Variants in EML6 observed in about 807,000 individuals in gnomAD.
The protein encoded by EML6 is EMAP like 6.
EML6 carries 154 observed loss-of-function variants against 240.1 expected under a neutral mutation model. That is an observed-to-expected ratio of 0.64 (90% CI 0.56 to 0.73). EML6 has a LOEUF of 0.73. Ranked by LOEUF, EML6 falls within the 30% of genes least tolerant of loss-of-function variation. EML6 has a pLI of 0.00. For missense variants in EML6, 2,964 were observed against 2,474.6 expected, an observed-to-expected ratio of 1.20 and a Z score of -4.20; for synonymous variants, 1,148 against 899.0, an observed-to-expected ratio of 1.28 and a Z score of -4.95.
chr2:54,895,889 CAG>C (rs565776850), intron 21 of EML6, among the ~76,000 whole-genome samples: 72 of 152,096 alleles, frequency 4.7e-4, no homozygotes, highest in African/African-American at 1.5e-3. Flanking sequence ...AAGCCAAAAA[CAG>C]AGGGGAAAAA....
intron 35 of EML6, among the ~76,000 whole-genome samples, chr2:54,961,184 G>GTTGTTTTTTTTTGTTT: frequency 5.4e-5 from 3 of 55,424 alleles, no homozygotes; most frequent in African/African-American, 2.4e-4. Flanking sequence ...TCAGGAAGTA[G>GTTGTTTTTTTTTGTTT]TTTTTTTTTT....
Position 54,903,137 on chromosome 2 carries a change from A to G in EML6, c.3218A>G (p.Glu1073Gly). The change falls in exon 23 of 42, where the codon GAA becomes GGA. Residue 1073 changes from glutamate (E) to glycine (G), a missense_variant. By Grantham distance (98) the Glu-to-Gly change is moderately conservative. Transcript: ENST00000356458. ...CTGGTGGTAAATGCTGACACTGTTG[A>G]AGACATGGTCTCTTTCCATCACAGA... Reference protein sequence around the residue: ...SFLVVNADTVEDMVSFHHRKE... With the variant: ...SFLVVNADTVGDMVSFHHRKE... The G allele has an allele frequency of 6.4e-7, 1 of 1,551,870 alleles. No individual in the cohort carries two copies. Among genetic ancestry groups the G allele is most frequent in the Non-Finnish European group, 8.7e-7 (1 of 1,146,914 alleles).
At chr2:54,837,140 G>GT (rs1220854260) in intron 7 of EML6, among the ~76,000 whole-genome samples, 1 of 152,046 alleles carries the variant, frequency 6.6e-6, no homozygotes, top group African/African-American at 2.4e-5. Context: ...GCATTCCCTG[G>GT]TTTTGCATCC....
At chr2:54,861,042 C>T (rs1350165380) in intron 12 of EML6, among the ~76,000 whole-genome samples, 1 of 152,154 alleles carries the variant, frequency 6.6e-6, no homozygotes, top group Non-Finnish European at 1.5e-5. Context: ...TGTGCAGCTC[C>T]CATTTTTTTT....
Position 54,805,806 on chromosome 2 carries a change from T to C in EML6, c.198-7426T>C, listed in dbSNP as rs183783763. ...TATCAATTACTTGGTTTAGCTCTTA[T>C]ACTTTTTGAGTTTTTTTGCATATGG... On this transcript the variant is annotated intron_variant, in intron 2 of 41. Coordinates refer to ENST00000356458, the MANE Select transcript of EML6 (RefSeq NM_001039753.4). Among the ~76,000 whole-genome samples, 28 of 152,350 alleles carry C rather than the reference T, an allele frequency of 1.8e-4. No homozygotes were observed. In the East Asian group the frequency reaches 1.9e-3, roughly 10 times the overall value.
At chr2:54,915,556 C>G (rs913950793) in intron 25 of EML6, among the ~76,000 whole-genome samples, 1 of 152,070 alleles carries the variant, frequency 6.6e-6, no homozygotes, top group East Asian at 1.9e-4. Flanking sequence ...ACCCAAGGCC[C>G]CCAAGTCACA....
At chr2:54,851,968 G>T (rs1277156171) in intron 10 of EML6, among the ~76,000 whole-genome samples, 2 of 152,182 alleles carry the variant, frequency 1.3e-5, no homozygotes, top group East Asian at 3.8e-4. Context: ...TGCCAGAATA[G>T]AAAAGAATAG....
chr2:54,809,751 C>G (rs1397342748), intron 2 of EML6, among the ~76,000 whole-genome samples: 2 of 152,118 alleles, frequency 1.3e-5, no homozygotes, highest in Admixed American at 1.3e-4. Flanking sequence ...ACCTTCTATT[C>G]TCTTGCAAAT....
chr2:54,915,918 C>A (rs1254427669), intron 25 of EML6, among the ~76,000 whole-genome samples: 1 of 151,946 alleles, frequency 6.6e-6, no homozygotes, highest in Non-Finnish European at 1.5e-5. Context: ...ATAAAATCTC[C>A]CAGAAAGCCA....
chr2:54,791,656 T>G (rs1457388342), intron 2 of EML6, among the ~76,000 whole-genome samples: 1 of 152,182 alleles, frequency 6.6e-6, no homozygotes, highest in Admixed American at 6.5e-5. Context: ...TCCATGGCTC[T>G]GGGTAAACAC....
chr2:54,825,520 C>G (rs551312835), intron 5 of EML6, among the ~76,000 whole-genome samples: 2 of 152,278 alleles, frequency 1.3e-5, no homozygotes, highest in East Asian at 3.9e-4. Flanking sequence ...GCCTTGGCTT[C>G]CCAAAGTGCT....
At chr2:54,803,687 C>A (rs954189188) in intron 2 of EML6, among the ~76,000 whole-genome samples, 4 of 152,004 alleles carry the variant, frequency 2.6e-5, no homozygotes, top group South Asian at 2.1e-4. Flanking sequence ...TTTTAATGCA[C>A]CTTTCACAAG....
intron 2 of EML6, among the ~76,000 whole-genome samples, chr2:54,762,074 G>A (rs1048871312): frequency 2.0e-5 from 3 of 151,912 alleles, no homozygotes; most frequent in Non-Finnish European, 4.4e-5. Flanking sequence ...ATTTTTTTCT[G>A]GTATAAGATC....
intron 40 of EML6, 89 bp downstream of exon 40, chr2:54,968,370 G>A (rs1427861717): frequency 8.0e-7 from 1 of 1,243,532 alleles, no homozygotes; most frequent in African/African-American, 1.5e-5. Flanking sequence ...CCCTCTGGGA[G>A]ACACAGAGAA....
chr2:54,784,837 G>A (rs1669006274), intron 2 of EML6, among the ~76,000 whole-genome samples: 1 of 139,702 alleles, frequency 7.2e-6, no homozygotes, highest in South Asian at 2.4e-4. Flanking sequence ...AAATTGTTAA[G>A]AAAATCATAA....
intron 28 of EML6, among the ~76,000 whole-genome samples, chr2:54,937,009 G>A (rs1280024627): frequency 6.7e-6 from 1 of 148,672 alleles, no homozygotes; most frequent in African/African-American, 2.5e-5. Context: ...GCCGGGCACA[G>A]TGGCTCACGC....
intron 2 of EML6, among the ~76,000 whole-genome samples, chr2:54,788,808 C>A (rs1007262087): frequency 1.3e-5 from 2 of 152,136 alleles, no homozygotes; most frequent in African/African-American, 2.4e-5. Flanking sequence ...ATTATTTCTC[C>A]TGAAGTTTTT....
chr2:54,856,027 A>C (rs1459921674), intron 11 of EML6, among the ~76,000 whole-genome samples: 1 of 152,224 alleles, frequency 6.6e-6, no homozygotes, highest in African/African-American at 2.4e-5. Context: ...TTAAAAACTC[A>C]CAACCAAGTT....
intron 30 of EML6, 101 bp from the exon 31 acceptor site, chr2:54,952,493 C>A: frequency 3.0e-6 from 2 of 676,524 alleles, no homozygotes; most frequent in Non-Finnish European, 4.9e-6. Flanking sequence ...TAAGCTCTCA[C>A]TTTTATAAGA....
Sources: allele counts gnomAD v4.1 joint callset (sites outside exome capture counted in the v4.1 genomes callset), GRCh38; gene constraint gnomAD v4.1.1; transcripts MANE v1.5; gene names NCBI Gene and HGNC (gene_info 2026-07-23, HGNC 2026-07-21).